GRM7: variants seen among roughly 807,000 people sequenced by gnomAD.
GRM7 encodes glutamate metabotropic receptor 7, also known as metabotropic glutamate receptor 7.
A neutral mutation model predicts 84.5 loss-of-function variants in GRM7; 35 were observed. The ratio of observed to expected loss-of-function variants is 0.41; its 90% CI spans 0.32 to 0.55. The LOEUF (loss-of-function observed/expected upper bound fraction) is 0.55, where lower values mean the gene tolerates loss of function less well. Among genes scored for constraint, GRM7 ranks in the 20% least tolerant of loss-of-function variants. The pLI is 0.19. For synonymous variants in GRM7, 487 were observed against 455.1 expected (o/e 1.07, Z -0.89); for missense variants, 1,003 against 1,194.6 (o/e 0.84, Z 2.36).
rs145269463 is a variant in GRM7 at position 6,975,618 on chromosome 3, T to C, written c.519+113711T>C. Among the ~76,000 whole-genome samples, 886 of 152,320 alleles carry C rather than the reference T, an allele frequency of 5.8e-3. 8 individuals are homozygous for C. The highest frequency in any genetic ancestry group is 0.011 in the Non-Finnish European group (721 of 68,018). On this transcript the variant is annotated intron_variant, in intron 1 of 9. Coordinates refer to ENST00000357716, the MANE Select transcript of GRM7 (RefSeq NM_000844.4). Reference sequence around the variant, plus strand: ...TGCAAACTTGAAGTTTAAAAAACAATGCTTACCTTTATTTTATATGTGCTT... The same window carrying C: ...TGCAAACTTGAAGTTTAAAAAACAACGCTTACCTTTATTTTATATGTGCTT...
chr3:7,620,108 ATAAGAAAGATGG>A (rs903682333), intron 8 of GRM7, among the ~76,000 whole-genome samples: 7 of 152,258 alleles, frequency 4.6e-5, no homozygotes, highest in African/African-American at 1.7e-4. Flanking sequence ...TAATTAGAAG[ATAAGAAAGATGG>A]TTAGAAAGAT....
At chr3:7,653,597 T>G (rs952627829) in intron 8 of GRM7, among the ~76,000 whole-genome samples, 2 of 152,186 alleles carry the variant, frequency 1.3e-5, no homozygotes, top group African/African-American at 4.8e-5. Context: ...TGTGCTCATA[T>G]TACATGGCTG....
chr3:7,424,489 G>GTGA (rs1696523865), intron 5 of GRM7, among the ~76,000 whole-genome samples: 1 of 152,104 alleles, frequency 6.6e-6, no homozygotes, highest in African/African-American at 2.4e-5. Context: ...TATCAGCCTT[G>GTGA]TGAGATAGTC....
intron 4 of GRM7, among the ~76,000 whole-genome samples, chr3:7,332,836 C>T (rs1701260807): frequency 6.6e-6 from 1 of 151,906 alleles, no homozygotes; most frequent in African/African-American, 2.4e-5. Flanking sequence ...GAGCTCTGAA[C>T]TGCCTAACCC....
intron 1 of GRM7, among the ~76,000 whole-genome samples, chr3:7,076,445 G>A (rs1347602259): frequency 6.6e-6 from 1 of 152,120 alleles, no homozygotes; most frequent in Admixed American, 6.6e-5. Flanking sequence ...TTTATAAGTG[G>A]AAGTTTTTCC....
rs200325865 is a variant in GRM7 at position 7,182,903 on chromosome 3, T to TTTG, written c.736+36237_736+36238insGTT. ...TAGGCGTAACGTGAAAGTGTTTTTT[T>TTTG]TTTTTTTTTTTTCAATGAAAAAGAC... On this transcript the variant is annotated intron_variant, in intron 2 of 9. Coordinates refer to ENST00000357716, the MANE Select transcript of GRM7 (RefSeq NM_000844.4). 3.7e-3 allele frequency among the ~76,000 whole-genome samples: 553 copies of TTTG among 148,476 alleles called. 1 individual carries two copies. Among genetic ancestry groups the TTTG allele is most frequent in the Non-Finnish European group, 6.3e-3 (424 of 67,770 alleles).
At chr3:7,102,529 G>A (rs1396211654) in intron 1 of GRM7, among the ~76,000 whole-genome samples, 1 of 151,658 alleles carries the variant, frequency 6.6e-6, no homozygotes, top group Non-Finnish European at 1.5e-5. Context: ...CCTAAGTGTG[G>A]TTTTCTTCGT....
chr3:7,653,680 T>TGAGTA (rs2125116692), intron 8 of GRM7, among the ~76,000 whole-genome samples: 1 of 152,306 alleles, frequency 6.6e-6, no homozygotes, highest in African/African-American at 2.4e-5. Context: ...TAAAATGAGA[T>TGAGTA]GAGTACTGAA....
rs151148290 is a variant in GRM7, at chr3:7,211,811, C to G, written c.736+65143C>G. On this transcript the variant is annotated intron_variant, in intron 2 of 9. Coordinates refer to ENST00000357716, the MANE Select transcript of GRM7 (RefSeq NM_000844.4). The stretch of plus-strand genomic sequence containing the variant: ...ATAATTAATGAGGAATGTAAGGGAG[C>G]CAGCTCTTTTTCCTGACCCCTCTGC... 2.2e-3 allele frequency among the ~76,000 whole-genome samples: 328 copies of G among 152,188 alleles called. 2 individuals are homozygous for G. The highest frequency in any genetic ancestry group is 3.7e-3 in the Non-Finnish European group (255 of 68,002).
intron 9 of GRM7, among the ~76,000 whole-genome samples, chr3:7,700,778 A>C (rs1172354444): frequency 6.6e-6 from 1 of 152,222 alleles, no homozygotes; most frequent in Non-Finnish European, 1.5e-5. Flanking sequence ...AGGGAAAAAA[A>C]GGACACTTAC....
At chr3:7,110,978 T>C (rs569516454) in intron 1 of GRM7, among the ~76,000 whole-genome samples, 1 of 152,074 alleles carries the variant, frequency 6.6e-6, no homozygotes, top group African/African-American at 2.4e-5. Context: ...GAAGACAGAA[T>C]GGGTGGAGGG....
intron 4 of GRM7, among the ~76,000 whole-genome samples, chr3:7,373,198 T>C (rs977555314): frequency 2.0e-5 from 3 of 152,180 alleles, no homozygotes; most frequent in African/African-American, 4.8e-5. Flanking sequence ...ACCACTGATA[T>C]ACACTGCTCC....
At chr3:7,496,282 G>A (rs2124957630) in intron 7 of GRM7, among the ~76,000 whole-genome samples, 1 of 152,240 alleles carries the variant, frequency 6.6e-6, no homozygotes. Context: ...TATCAATGGG[G>A]ACAACTAGAC....
At chr3:7,014,967 A>AATC (rs1188081400) in intron 1 of GRM7, among the ~76,000 whole-genome samples, 7 of 152,162 alleles carry the variant, frequency 4.6e-5, no homozygotes, top group African/African-American at 1.7e-4. Flanking sequence ...AAAATGTGCC[A>AATC]ATCAGTGCTC....
chr3:7,217,704 A>T (rs1293274694), intron 2 of GRM7, among the ~76,000 whole-genome samples: 1 of 148,970 alleles, frequency 6.7e-6, no homozygotes, highest in African/African-American at 2.4e-5. Context: ...TTTATAATAT[A>T]AAATATTATA....
chr3:7,195,504 A>G (rs1452258949), intron 2 of GRM7, among the ~76,000 whole-genome samples: 3 of 152,136 alleles, frequency 2.0e-5, no homozygotes, highest in East Asian at 1.9e-4. Context: ...TCTTCATGCA[A>G]GTTCTAAAGT....
chr3:6,939,479 G>A (rs1339583583), intron 1 of GRM7, among the ~76,000 whole-genome samples: 1 of 151,764 alleles, frequency 6.6e-6, no homozygotes, highest in Admixed American at 6.6e-5. Flanking sequence ...TGGGCACAGA[G>A]GAATAGTTGA....
chr3:6,959,616 T>A (rs192970447), intron 1 of GRM7, among the ~76,000 whole-genome samples: 1 of 152,158 alleles, frequency 6.6e-6, no homozygotes, highest in Non-Finnish European at 1.5e-5. Context: ...TCTGACCTCA[T>A]TAAGGGTTGC....
At chr3:7,534,258 C>G (rs371837160) in intron 7 of GRM7, among the ~76,000 whole-genome samples, 3 of 152,140 alleles carry the variant, frequency 2.0e-5, no homozygotes, top group Non-Finnish European at 4.4e-5. Flanking sequence ...AACTAATCTG[C>G]CTTCTTCAGC....
Sources: allele counts gnomAD v4.1 joint callset (sites outside exome capture counted in the v4.1 genomes callset), GRCh38; gene constraint gnomAD v4.1.1; transcripts MANE v1.5; gene names NCBI Gene and HGNC (gene_info 2026-07-23, HGNC 2026-07-21).